Variants in MYO18B observed in about 807,000 individuals in gnomAD.
The protein encoded by MYO18B is unconventional myosin-XVIIIb.
MYO18B carries 204 observed loss-of-function variants against 273.0 expected under a neutral mutation model. The observed-to-expected ratio is 0.75, with a 90% CI of 0.67 to 0.84. MYO18B has a LOEUF of 0.84. Ranked by LOEUF, MYO18B falls within the 40% of genes least tolerant of loss-of-function variation. The probability of loss-of-function intolerance (pLI) is 0.00; values close to 1 mark genes in which losing one functional copy is unlikely to be tolerated. For synonymous variants in MYO18B, 1,330 were observed against 1,305.7 expected, an observed-to-expected ratio of 1.02 and a Z score of -0.40; for missense variants, 3,212 against 3,287.6, an observed-to-expected ratio of 0.98 and a Z score of 0.56.
At chr22:25,898,906 G>A (rs2091872220) in intron 29 of MYO18B, 1 of 164,440 alleles carries the variant, frequency 6.1e-6, no homozygotes. Flanking sequence ...TCCGTAGGTT[G>A]GTGATAAGAT....
chr22:25,982,134 C>T (rs141320623), intron 39 of MYO18B, among the ~76,000 whole-genome samples: 2 of 152,226 alleles, frequency 1.3e-5, no homozygotes, highest in Non-Finnish European at 2.9e-5. Context: ...GGGAAATCCA[C>T]CCCCATGATC....
intron 25 of MYO18B, among the ~76,000 whole-genome samples, chr22:25,879,426 T>C (rs1167654897): frequency 6.6e-6 from 1 of 152,200 alleles, no homozygotes; most frequent in Non-Finnish European, 1.5e-5. Context: ...ATGGTGTCAT[T>C]ATATTTATGG....
At chr22:25,753,433 C>A (rs906216139) in intron 1 of MYO18B, among the ~76,000 whole-genome samples, 9 of 152,150 alleles carry the variant, frequency 5.9e-5, no homozygotes, top group Non-Finnish European at 8.8e-5. Flanking sequence ...CCAATCAGCT[C>A]TCTGTAAAAT....
intron 3 of MYO18B, 47 bp from the exon 4 acceptor site, chr22:25,768,068 C>G: frequency 6.9e-7 from 1 of 1,450,226 alleles, no homozygotes; most frequent in East Asian, 2.3e-5. Flanking sequence ...ACAAAGCTGT[C>G]AGGTCAGCAA....
chr22:26,062,015 T>C, the MYO18B span, among the ~76,000 whole-genome samples: 8 of 152,384 alleles, frequency 5.2e-5, no homozygotes, highest in Admixed American at 5.2e-4. Context: ...AGCAGTGTTT[T>C]CAAAACTAAT....
chr22:25,861,247 A>T (rs2090726619), intron 21 of MYO18B, among the ~76,000 whole-genome samples: 1 of 152,186 alleles, frequency 6.6e-6, no homozygotes, highest in African/African-American at 2.4e-5. Flanking sequence ...ACGCTCTCCA[A>T]CTATTAATGT....
intron 9 of MYO18B, 124 bp from the exon 10 acceptor site, chr22:25,781,609 CA>C (rs67116433): frequency 4.0e-3 from 1,097 of 276,632 alleles, no homozygotes; most frequent in South Asian, 0.014. Flanking sequence ...GACTCCGTCT[CA>C]AAAAAAAAAA....
At chr22:25,908,520 G>C in intron 32 of MYO18B, 88 bp downstream of exon 32, 2 of 1,133,564 alleles carry the variant, frequency 1.8e-6, no homozygotes, top group Non-Finnish European at 2.6e-6. Flanking sequence ...AGTAGGACAG[G>C]GTCTGGGATC....
chr22:25,809,421 C>T lies in MYO18B; in HGVS notation c.2521+11324C>T, dbSNP rs558446029. Among the ~76,000 whole-genome samples the T allele has an allele frequency of 1.2e-3, 182 of 152,276 alleles. 1 individual carries two copies. Among genetic ancestry groups the T allele is most frequent in the South Asian group, 8.3e-3 (40 of 4,826 alleles). ...TGAGCAATGCTTGTCTTGATGGGGG[C>T]TTTGCTTGGTTTCCTTTTTCTCTGA... On this transcript the variant is annotated intron_variant, in intron 12 of 43. Coordinates refer to ENST00000335473, the MANE Select transcript of MYO18B (RefSeq NM_032608.7).
intron 22 of MYO18B, among the ~76,000 whole-genome samples, chr22:25,872,862 C>T (rs2146176158): frequency 6.6e-6 from 1 of 152,258 alleles, no homozygotes; most frequent in Middle Eastern, 3.4e-3. Flanking sequence ...TCCAGTGTCT[C>T]CAGATAACCG....
intron 40 of MYO18B, among the ~76,000 whole-genome samples, chr22:25,996,978 G>A (rs1933319588): frequency 6.6e-6 from 1 of 152,100 alleles, no homozygotes; most frequent in Non-Finnish European, 1.5e-5. Flanking sequence ...AAATGCCCCA[G>A]TGCCCCAGGC....
intron 39 of MYO18B, among the ~76,000 whole-genome samples, chr22:25,967,533 A>T (rs911513939): frequency 2.0e-5 from 3 of 152,166 alleles, no homozygotes; most frequent in African/African-American, 7.2e-5. Flanking sequence ...TAAGAAAGGG[A>T]GAGGGGATCT....
chr22:25,862,664 C>T (rs1015513599), intron 21 of MYO18B, among the ~76,000 whole-genome samples: 2 of 152,156 alleles, frequency 1.3e-5, no homozygotes, highest in Non-Finnish European at 2.9e-5. Flanking sequence ...GCATTCTGGA[C>T]TTCATTGTCT....
intron 8 of MYO18B, among the ~76,000 whole-genome samples, chr22:25,778,746 C>T (rs924242677): frequency 3.3e-5 from 5 of 151,726 alleles, no homozygotes; most frequent in Non-Finnish European, 7.4e-5. Context: ...CCCACCTTGG[C>T]CTTCAAAAGT....
rs758185920 is a variant in MYO18B at position 25,955,206 on chromosome 22, C to T, written c.5998C>T (p.Leu2000=). 69 of 1,612,334 alleles carry T rather than the reference C, an allele frequency of 4.3e-5. No individual in the cohort carries two copies. Among genetic ancestry groups the T allele is most frequent in the Middle Eastern group, 1.6e-4 (1 of 6,082 alleles). ...CCTGGTGATCCGGCTTCGGGACAGC[C>T]TGATCAAGATGGGGGAGGAGCTTTC... ...EVLVIRLRDS[L]IKMGEELSQA... The change falls in exon 39 of 44, where the codon CTG becomes TTG. Residue 2000 remains leucine (L), a synonymous_variant. Transcript: ENST00000335473.
At chr22:25,743,556 T>G (rs555283143) in intron 1 of MYO18B, among the ~76,000 whole-genome samples, 1 of 148,682 alleles carries the variant, frequency 6.7e-6, no homozygotes, top group South Asian at 2.2e-4. Context: ...AGGAGAAGAA[T>G]AATAGCAAAG....
At chr22:25,873,935 A>T (rs1240378204) in intron 22 of MYO18B, among the ~76,000 whole-genome samples, 1 of 152,182 alleles carries the variant, frequency 6.6e-6, no homozygotes, top group African/African-American at 2.4e-5. Flanking sequence ...TGTGCTTCTC[A>T]AAGGAACGTG....
At chr22:25,926,589 C>T (rs549312135) in intron 34 of MYO18B, among the ~76,000 whole-genome samples, 2 of 152,264 alleles carry the variant, frequency 1.3e-5, no homozygotes, top group South Asian at 2.1e-4. Context: ...GTCACCACAC[C>T]TGGCCGAAAG....
intron 28 of MYO18B, 117 bp downstream of exon 28, chr22:25,895,397 C>T (rs1601503829): frequency 8.0e-7 from 1 of 1,257,678 alleles, no homozygotes; most frequent in Non-Finnish European, 1.1e-6. Flanking sequence ...AGGACACAAA[C>T]CCCTTAAGGT....
Sources: gnomAD v4.1 joint callset for allele counts (sites outside exome capture counted in the v4.1 genomes callset) on GRCh38, gnomAD v4.1.1 for gene constraint, MANE v1.5 for transcripts, NCBI Gene and HGNC (gene_info 2026-07-23, HGNC 2026-07-21) for gene names.